COL27A1: variants seen among roughly 807,000 people sequenced by gnomAD.
COL27A1 encodes collagen alpha-1(XXVII) chain.
A neutral mutation model predicts 251.3 loss-of-function variants in COL27A1; 106 were observed. The ratio of observed to expected loss-of-function variants is 0.42; its 90% CI spans 0.36 to 0.50. The LOEUF is 0.50. COL27A1 is among the 20% of genes least tolerant of loss of function. The probability of loss-of-function intolerance (pLI) is 0.00; values close to 1 mark genes in which losing one functional copy is unlikely to be tolerated. For synonymous variants in COL27A1, 1,000 were observed against 986.3 expected, an observed-to-expected ratio of 1.01 and a Z score of -0.26; for missense variants, 2,325 against 2,522.8, an observed-to-expected ratio of 0.92 and a Z score of 1.68.
rs376218075 is a variant in COL27A1 at position 114,269,346 on chromosome 9, C to T, written c.3555+52C>T. On this transcript the variant is annotated intron_variant, in intron 35 of 60. Coordinates refer to ENST00000356083, the MANE Select transcript of COL27A1 (RefSeq NM_032888.4). ...GAAAGCCCCCAGGGTGTGTGGGTGCCGCAGGGGAAGAGACCGGCTTTTCTC... is the reference window on the plus strand; with the variant it reads ...GAAAGCCCCCAGGGTGTGTGGGTGCTGCAGGGGAAGAGACCGGCTTTTCTC... 2.1e-4 allele frequency: 287 copies of T among 1,385,722 alleles called. No individual in the cohort carries two copies. In the South Asian group the frequency reaches 2.4e-3, roughly 12 times the overall value. The allele number at this position is 1,385,722 out of a possible 1,614,324, so 85.8% of individuals were successfully genotyped here. A position where few individuals can be genotyped will look rare whatever the true frequency, so the allele number is the denominator to read the frequency against.
chr9:114,234,177 C>T (rs1298264362), intron 16 of COL27A1, among the ~76,000 whole-genome samples: 1 of 148,910 alleles, frequency 6.7e-6, no homozygotes, highest in Non-Finnish European at 1.5e-5. Context: ...TATTTTCACT[C>T]CTTTTTTTCA....
At position 114,245,899 on chromosome 9, in the gene COL27A1, G is replaced by A. The variant is rs758039055; in HGVS notation, c.2968G>A (p.Val990Met). The change falls in exon 24 of 61, where the codon GTG becomes ATG. Residue 990 changes from valine to methionine, a missense_variant. Transcript: ENST00000356083. Reference sequence around the variant, plus strand: ...AGGGGATCCTGGTCGGCCGGGGCCTGTGGGAGAGCAGGTTAGTTAGCAACG... The same window carrying A: ...AGGGGATCCTGGTCGGCCGGGGCCTATGGGAGAGCAGGTTAGTTAGCAACG... ...EPGDPGRPGPVGEQGFMGFIG... is the reference protein window; with the variant it reads ...EPGDPGRPGPMGEQGFMGFIG... 1.3e-5 allele frequency: 21 copies of A among 1,613,078 alleles called. No individual in the cohort carries two copies. The highest frequency in any genetic ancestry group is 1.8e-5 in the Non-Finnish European group (21 of 1,179,576).
intron 13 of COL27A1, 86 bp downstream of exon 13, chr9:114,219,930 C>A: frequency 9.8e-7 from 1 of 1,015,254 alleles, no homozygotes; most frequent in Non-Finnish European, 1.6e-6. Flanking sequence ...TAGGGTCAGA[C>A]AGACCTGGGT....
At chr9:114,162,581 A>T in intron 1 of COL27A1, 134 bp from the exon 2 acceptor site, 1 of 683,358 alleles carries the variant, frequency 1.5e-6, no homozygotes, top group Non-Finnish European at 2.6e-6. Context: ...TAGAGCCTGT[A>T]CCTGGCCTCC....
rs1247435854 is a variant in COL27A1 at position 114,178,306 on chromosome 9, C to T, written c.1924C>T (p.Pro642Ser). 1 of 1,613,926 alleles carries T rather than the reference C, an allele frequency of 6.2e-7. No homozygotes were observed. Among genetic ancestry groups the T allele is most frequent in the African/African-American group, 1.3e-5 (1 of 74,878 alleles). ...DCGLPGPPGL[P>S]GLPGIPGARG... ...TTCTCCTCAGGGTCCCCCTGGGCTACCTGGGCTACCTGGAATCCCTGGTGC... is the reference window on the plus strand; with the variant it reads ...TTCTCCTCAGGGTCCCCCTGGGCTATCTGGGCTACCTGGAATCCCTGGTGC... Residue 642 changes from proline to serine, a missense_variant, in exon 4 of 61, where the codon CCT becomes TCT. By Grantham distance (74) the Pro-to-Ser change is moderately conservative (BLOSUM62 -1). Transcript: ENST00000356083.
intron 12 of COL27A1, among the ~76,000 whole-genome samples, chr9:114,212,256 G>A (rs1830418807): frequency 6.6e-6 from 1 of 152,202 alleles, no homozygotes. Context: ...GCAAGGACCT[G>A]GAGTCTGAGA....
At chr9:114,205,080 C>T (rs758650378) in intron 7 of COL27A1, 22 bp from the exon 8 acceptor site, 2 of 1,613,122 alleles carry the variant, frequency 1.2e-6, no homozygotes, top group Non-Finnish European at 8.5e-7. Flanking sequence ...CTGCCTGATG[C>T]AGCTTCTTCC....
At chr9:114,237,993 C>T (rs188144955) in intron 19 of COL27A1, among the ~76,000 whole-genome samples, 62 of 152,336 alleles carry the variant, frequency 4.1e-4, no homozygotes, top group African/African-American at 1.4e-3. Flanking sequence ...TCATGAAAGC[C>T]CTCTGTGCGC....
intron 36 of COL27A1, chr9:114,271,263 C>G (rs10982128): frequency 0.15 from 24,473 of 159,824 alleles, 2,066 homozygotes; most frequent in African/African-American, 0.18. Flanking sequence ...GAAGTTCTGT[C>G]TTTAGATGAG....
chr9:114,190,909 T>G (rs1828707185), intron 5 of COL27A1, among the ~76,000 whole-genome samples: 1 of 152,232 alleles, frequency 6.6e-6, no homozygotes, highest in Non-Finnish European at 1.5e-5. Flanking sequence ...AAATGGTTAG[T>G]TAGACTTTGT....
At position 114,239,741 on chromosome 9, in the gene COL27A1, A is replaced by G. The variant is rs141021260; in HGVS notation, c.2728-479A>G. On this transcript the variant is annotated intron_variant, in intron 19 of 60. Transcript: ENST00000356083. ...GTGGCCAAGATGTAGGAAGGACTTA[A>G]GCTTACGATGACTGGAGCTGAGGTT... Among the ~76,000 whole-genome samples, 64 of 152,304 alleles carry G rather than the reference A, an allele frequency of 4.2e-4. No homozygotes were observed. In the East Asian group the frequency reaches 9.1e-3, roughly 22 times the overall value.
chr9:114,287,750 AC>A (rs1409522495), intron 41 of COL27A1, among the ~76,000 whole-genome samples: 1 of 152,090 alleles, frequency 6.6e-6, no homozygotes, highest in Admixed American at 6.5e-5. Context: ...GCCAAGTGCC[AC>A]CTGGGGCTAC....
intron 3 of COL27A1, among the ~76,000 whole-genome samples, chr9:114,171,790 C>G (rs887025824): frequency 6.6e-6 from 1 of 152,158 alleles, no homozygotes; most frequent in Non-Finnish European, 1.5e-5. Flanking sequence ...ATTCGATAAC[C>G]CATCAAGTTT....
chr9:114,285,478 C>T (rs374352229), intron 41 of COL27A1, among the ~76,000 whole-genome samples: 1 of 152,164 alleles, frequency 6.6e-6, no homozygotes, highest in East Asian at 1.9e-4. Context: ...CTGAGTCCCT[C>T]CTGTCTTTCC....
intron 41 of COL27A1, 88 bp downstream of exon 41, chr9:114,284,865 T>G: frequency 1.4e-6 from 2 of 1,431,640 alleles, no homozygotes; most frequent in Non-Finnish European, 2.0e-6. Flanking sequence ...GCCCCTGGGG[T>G]ACCCATGGCT....
intron 6 of COL27A1, among the ~76,000 whole-genome samples, chr9:114,194,692 C>A (rs1386936031): frequency 2.0e-5 from 3 of 152,212 alleles, no homozygotes; most frequent in African/African-American, 7.2e-5. Flanking sequence ...ATGCAACCAA[C>A]AAAACTGACA....
chr9:114,229,448 T>G (rs1035633851), intron 14 of COL27A1, among the ~76,000 whole-genome samples: 3 of 152,246 alleles, frequency 2.0e-5, no homozygotes, highest in Non-Finnish European at 2.9e-5. Flanking sequence ...CTGCCTGGCC[T>G]CCCTCCGAGA....
At chr9:114,264,863 T>C in intron 29 of COL27A1, 61 bp from the exon 30 acceptor site, 1 of 1,547,862 alleles carries the variant, frequency 6.5e-7, no homozygotes, top group Non-Finnish European at 8.8e-7. Flanking sequence ...GAGGGGTCCC[T>C]TTTTGGGGAA....
chr9:114,261,174 C>T (rs948122940), intron 28 of COL27A1, among the ~76,000 whole-genome samples: 6 of 152,192 alleles, frequency 3.9e-5, no homozygotes, highest in African/African-American at 7.2e-5. Flanking sequence ...GCTTGTTCAT[C>T]GGCCCCTTTT....
Sources: gnomAD v4.1 joint callset for allele counts (sites outside exome capture counted in the v4.1 genomes callset) on GRCh38, gnomAD v4.1.1 for gene constraint, MANE v1.5 for transcripts, NCBI Gene and HGNC (gene_info 2026-07-23, HGNC 2026-07-21) for gene names.